TTC6: variants seen among roughly 807,000 people sequenced by gnomAD.
The protein encoded by TTC6 is tetratricopeptide repeat domain 6.
TTC6 carries 172 observed loss-of-function variants against 210.4 expected under a neutral mutation model. The ratio of observed to expected loss-of-function variants is 0.82; its 90% CI spans 0.72 to 0.93. The LOEUF (loss-of-function observed/expected upper bound fraction) is 0.93, where lower values mean the gene tolerates loss of function less well. Ranked by LOEUF, TTC6 falls within the 40% of genes least tolerant of loss-of-function variation. The probability of loss-of-function intolerance (pLI) is 0.00; values close to 1 mark genes in which losing one functional copy is unlikely to be tolerated. For synonymous variants in TTC6, 804 were observed against 819.6 expected (o/e 0.98, Z 0.32); for missense variants, 2,414 against 2,318.1 (o/e 1.04, Z -0.85).
At chr14:37,630,389 T>G (rs2095667322) in intron 1 of TTC6, among the ~76,000 whole-genome samples, 1 of 152,218 alleles carries the variant, frequency 6.6e-6, no homozygotes, top group Admixed American at 6.5e-5. Flanking sequence ...ATTGTGCAGT[T>G]TTGAGTGAGT....
At chr14:37,633,137 T>C (rs2095673299) in intron 1 of TTC6, among the ~76,000 whole-genome samples, 1 of 152,166 alleles carries the variant, frequency 6.6e-6, no homozygotes, top group South Asian at 2.1e-4. Flanking sequence ...TGAACTGTTC[T>C]GTCTTGCTGG....
At chr14:37,767,338 T>C (rs1167814687) in intron 14 of TTC6, among the ~76,000 whole-genome samples, 2 of 152,196 alleles carry the variant, frequency 1.3e-5, no homozygotes, top group East Asian at 1.9e-4. Flanking sequence ...CTGGGTCAAA[T>C]GGTATTTCTA....
intron 14 of TTC6, among the ~76,000 whole-genome samples, chr14:37,775,602 A>AT (rs1370746007): frequency 6.6e-6 from 1 of 151,970 alleles, no homozygotes; most frequent in Non-Finnish European, 1.5e-5. Flanking sequence ...TGTGGTTGGT[A>AT]TGGTGGAGAG....
intron 1 of TTC6, among the ~76,000 whole-genome samples, chr14:37,599,810 A>G (rs1249333159): frequency 2.6e-5 from 4 of 152,180 alleles, no homozygotes; most frequent in African/African-American, 9.6e-5. Flanking sequence ...AACGGGAACA[A>G]ACCTCCCTCG....
At chr14:37,699,958 A>G (rs540728230) in intron 4 of TTC6, among the ~76,000 whole-genome samples, 3 of 152,274 alleles carry the variant, frequency 2.0e-5, no homozygotes, top group Non-Finnish European at 4.4e-5. Flanking sequence ...ACCAATGGCT[A>G]AGTCATATTA....
intron 7 of TTC6, among the ~76,000 whole-genome samples, chr14:37,730,731 G>A (rs2095883727): frequency 6.6e-6 from 1 of 152,126 alleles, no homozygotes; most frequent in African/African-American, 2.4e-5. Flanking sequence ...AATTTGATGT[G>A]GCATAAAATT....
intron 14 of TTC6, among the ~76,000 whole-genome samples, chr14:37,765,987 A>G (rs1347778072): frequency 6.6e-6 from 1 of 151,406 alleles, no homozygotes; most frequent in Admixed American, 6.6e-5. Context: ...ATCCCCCAAG[A>G]TTTTCTTTGT....
chr14:37,717,532 A>G (rs2095854714), intron 6 of TTC6, among the ~76,000 whole-genome samples: 1 of 152,182 alleles, frequency 6.6e-6, no homozygotes, highest in Non-Finnish European at 1.5e-5. Context: ...CCCTATAAAT[A>G]TTAAGGAAAT....
intron 29 of TTC6, among the ~76,000 whole-genome samples, chr14:37,838,882 T>C (rs1198011563): frequency 6.6e-6 from 1 of 152,142 alleles, no homozygotes; most frequent in African/African-American, 2.4e-5. Flanking sequence ...CAACGCCCAC[T>C]TATGAGTGAG....
chr14:37,699,108 A>G (rs539066625), intron 4 of TTC6, among the ~76,000 whole-genome samples: 2 of 152,174 alleles, frequency 1.3e-5, no homozygotes, highest in Non-Finnish European at 2.9e-5. Flanking sequence ...GCAACTTACA[A>G]AAAGAGACAG....
At chr14:37,663,029 A>G (rs933183475) in intron 1 of TTC6, among the ~76,000 whole-genome samples, 2 of 152,040 alleles carry the variant, frequency 1.3e-5, no homozygotes, top group Admixed American at 1.3e-4. Flanking sequence ...TGAGCATGGA[A>G]TGTTTTTCCG....
In TTC6 at chr14:37,672,832, T is replaced by C. The variant is rs974139573; in HGVS notation, c.940-7319T>C. 2.0e-5 allele frequency among the ~76,000 whole-genome samples: 3 copies of C among 151,478 alleles called. 1 individual carries two copies. The highest frequency in any genetic ancestry group is 7.3e-5 in the African/African-American group (3 of 41,160). ...TTCATGAATTCCTCATTTTTTTTTT[T>C]TTTTTTTTACTAAAAGCACTGTAGT... is the stretch of plus-strand genomic sequence containing the variant. On this transcript the variant is annotated intron_variant, in intron 1 of 30. Coordinates refer to ENST00000553443, the Ensembl canonical transcript of TTC6.
Position 37,738,770 on chromosome 14 carries a change from A to C in TTC6, c.1984-6A>C, listed in dbSNP as rs1333194066. On this transcript the variant is annotated splice_region_variant and splice_polypyrimidine_tract_variant and intron_variant, in intron 9 of 30. Coordinates refer to ENST00000553443, the Ensembl canonical transcript of TTC6. ...GTTTTTTCTACCTCTTTGCTTGCTT[A>C]CTAAGCGAGTAAAATCTTCTGTAGA... 3 of 1,465,564 alleles carry C rather than the reference A, an allele frequency of 2.0e-6. No homozygotes were observed. In the East Asian group the frequency reaches 7.5e-5, roughly 37 times the overall value. The allele number at this position is 1,465,564 out of a possible 1,614,324, so 90.8% of individuals were successfully genotyped here. A position where few individuals can be genotyped will look rare whatever the true frequency, so the allele number is the denominator to read the frequency against.
At chr14:37,766,203 G>T (rs1323853653) in intron 14 of TTC6, among the ~76,000 whole-genome samples, 1 of 151,896 alleles carries the variant, frequency 6.6e-6, no homozygotes, top group Non-Finnish European at 1.5e-5. Context: ...GCATATGTTG[G>T]TTGTTTCTTT....
At chr14:37,837,735 G>A (rs2096201115) in intron 29 of TTC6, among the ~76,000 whole-genome samples, 1 of 152,150 alleles carries the variant, frequency 6.6e-6, no homozygotes, top group Non-Finnish European at 1.5e-5. Context: ...GATGCAAATA[G>A]AGTTTTAGTA....
At chr14:37,599,737 G>T (rs1027174676) in intron 1 of TTC6, among the ~76,000 whole-genome samples, 3 of 152,196 alleles carry the variant, frequency 2.0e-5, no homozygotes, top group Admixed American at 2.0e-4. Flanking sequence ...TGAGAAGGGC[G>T]ATTTCCCCTG....
chr14:37,701,269 T>G, intron 4 of TTC6, 63 bp from the exon 7 acceptor site: 1 of 1,170,704 alleles, frequency 8.5e-7, no homozygotes, highest in Non-Finnish European at 1.1e-6. Context: ...TCAGTATAAA[T>G]GTACTTTATA....
At chr14:37,763,255 A>G (rs2095989887) in intron 14 of TTC6, among the ~76,000 whole-genome samples, 1 of 152,066 alleles carries the variant, frequency 6.6e-6, no homozygotes, top group Non-Finnish European at 1.5e-5. Flanking sequence ...TTTTGCATCT[A>G]TATTGGTAAG....
intron 4 of TTC6, among the ~76,000 whole-genome samples, chr14:37,698,270 A>C (rs1275673695): frequency 6.6e-6 from 1 of 152,208 alleles, no homozygotes; most frequent in East Asian, 1.9e-4. Context: ...TTGGGAATTC[A>C]AACATCTATT....
Sources: gnomAD v4.1 joint callset for allele counts (sites outside exome capture counted in the v4.1 genomes callset) on GRCh38, gnomAD v4.1.1 for gene constraint, MANE v1.5 for transcripts, NCBI Gene and HGNC (gene_info 2026-07-23, HGNC 2026-07-21) for gene names.